The following ADAM2 variants were observed in gnomAD, a reference collection of about 807,000 sequenced individuals.
ADAM2 encodes the protein ADAM metallopeptidase domain 2.
Under a neutral mutation model 99.3 loss-of-function variants are expected in ADAM2, and 101 were observed. The ratio of observed to expected loss-of-function variants is 1.02; its 90% confidence interval spans 0.87 to 1.20. The LOEUF is 1.20. ADAM2 is among the 50% of genes most tolerant of loss of function. The pLI is 0.00. For synonymous variants in ADAM2, 323 were observed against 287.6 expected (o/e 1.12, Z -1.25); for missense variants, 948 against 878.7 (o/e 1.08, Z -1.00).
chr8:39,829,749 G>T (rs1392948315), intron 3 of ADAM2, among the ~76,000 whole-genome samples: 1 of 151,870 alleles, frequency 6.6e-6, no homozygotes, highest in African/African-American at 2.4e-5. Flanking sequence ...AAAATAAGAT[G>T]AAATAAATTG....
intron 16 of ADAM2, among the ~76,000 whole-genome samples, chr8:39,754,664 A>G (rs418037): frequency 0.036 from 5,540 of 152,260 alleles, 328 homozygotes; most frequent in African/African-American, 0.13. Context: ...TTCTAAATGA[A>G]TATTAGTAAA....
intron 19 of ADAM2, among the ~76,000 whole-genome samples, chr8:39,746,005 A>G (rs1173466510): frequency 3.6e-5 from 4 of 111,294 alleles, no homozygotes; most frequent in East Asian, 4.1e-4. Flanking sequence ...GTGTGTGTGC[A>G]TGTGTGTGTG....
At chr8:39,826,056 T>C (rs1044870031) in intron 3 of ADAM2, among the ~76,000 whole-genome samples, 8 of 152,190 alleles carry the variant, frequency 5.3e-5, no homozygotes, top group African/African-American at 1.7e-4. Context: ...TTTTCCTTCA[T>C]TTCTTTTAAG....
intron 10 of ADAM2, among the ~76,000 whole-genome samples, chr8:39,786,081 T>C (rs565949901): frequency 6.0e-4 from 92 of 152,320 alleles, no homozygotes; most frequent in African/African-American, 2.2e-3. Context: ...CTGCGTGTTC[T>C]CACTTATAAG....
chr8:39,760,222 T>C (rs1229472031), intron 15 of ADAM2, among the ~76,000 whole-genome samples: 1 of 152,166 alleles, frequency 6.6e-6, no homozygotes, highest in Non-Finnish European at 1.5e-5. Flanking sequence ...ACTCATATAG[T>C]ACATACTATG....
chr8:39,824,294 A>C (rs1334381323), intron 4 of ADAM2, among the ~76,000 whole-genome samples: 3 of 149,950 alleles, frequency 2.0e-5, no homozygotes, highest in Non-Finnish European at 4.4e-5. Flanking sequence ...AAAAAAAAAA[A>C]GAACACTTCA....
intron 4 of ADAM2, 135 bp downstream of exon 4, chr8:39,824,684 C>A (rs755300037): frequency 6.2e-6 from 4 of 647,876 alleles, no homozygotes; most frequent in African/African-American, 1.9e-5. Flanking sequence ...CAGTATACAT[C>A]ATTAACAGGA....
intron 7 of ADAM2, among the ~76,000 whole-genome samples, chr8:39,790,196 A>G (rs1033306720): frequency 1.3e-5 from 2 of 151,960 alleles, no homozygotes; most frequent in South Asian, 2.1e-4. Context: ...CCTACCCAAT[A>G]CGAGTTAAAA....
chr8:39,828,988 G>A (rs569504041), intron 3 of ADAM2, among the ~76,000 whole-genome samples: 2 of 151,720 alleles, frequency 1.3e-5, no homozygotes, highest in Non-Finnish European at 3.0e-5. Flanking sequence ...ATATATAAAT[G>A]TATAATATAT....
intron 11 of ADAM2, among the ~76,000 whole-genome samples, chr8:39,773,748 C>G (rs368923565): frequency 6.6e-6 from 1 of 151,780 alleles, no homozygotes; most frequent in Non-Finnish European, 1.5e-5. Context: ...TATCCAGTTC[C>G]GGACAGCTTC....
chr8:39,746,342 A>G, intron 19 of ADAM2, 130 bp downstream of exon 19: 1 of 676,360 alleles, frequency 1.5e-6, no homozygotes, highest in Non-Finnish European at 2.3e-6. Flanking sequence ...TTATTAATAT[A>G]TGAGTTATTA....
chr8:39,835,117 G>A (rs187368894), intron 2 of ADAM2, among the ~76,000 whole-genome samples: 52 of 152,250 alleles, frequency 3.4e-4, no homozygotes, highest in Non-Finnish European at 6.2e-4. Context: ...AATAAACTCT[G>A]CTTTGGATTT....
At chr8:39,803,356 A>G (rs1804294729) in intron 7 of ADAM2, among the ~76,000 whole-genome samples, 1 of 152,224 alleles carries the variant, frequency 6.6e-6, no homozygotes, top group Non-Finnish European at 1.5e-5. Flanking sequence ...CAAGGAAAAC[A>G]TGATAGCCAA....
intron 12 of ADAM2, among the ~76,000 whole-genome samples, chr8:39,768,732 G>A (rs1443542085): frequency 2.0e-5 from 3 of 152,134 alleles, no homozygotes; most frequent in African/African-American, 7.2e-5. Context: ...GGAAAAGATT[G>A]AACCTACATC....
At chr8:39,782,478 ATTTTGGAGCCATT>A (rs1803271987) in intron 10 of ADAM2, among the ~76,000 whole-genome samples, 1 of 152,084 alleles carries the variant, frequency 6.6e-6, no homozygotes, top group Non-Finnish European at 1.5e-5. Context: ...AGCATTAAAT[ATTTTGGAGCCATT>A]TTTTGGAAAT....
chr8:39,793,411 C>A (rs534653567), intron 7 of ADAM2, among the ~76,000 whole-genome samples: 4 of 152,186 alleles, frequency 2.6e-5, no homozygotes, highest in African/African-American at 9.6e-5. Flanking sequence ...ACCAAAGGGA[C>A]ACCTTGGCTA....
intron 15 of ADAM2, among the ~76,000 whole-genome samples, chr8:39,759,510 T>A (rs1245963481): frequency 6.6e-6 from 1 of 152,202 alleles, no homozygotes; most frequent in African/African-American, 2.4e-5. Flanking sequence ...AATTTCAATA[T>A]GAACTATGTT....
chr8:39,775,303 A>G (rs1158234859), intron 11 of ADAM2, among the ~76,000 whole-genome samples: 1 of 152,000 alleles, frequency 6.6e-6, no homozygotes, highest in Non-Finnish European at 1.5e-5. Flanking sequence ...GAACTTGAAA[A>G]TAAACATCTG....
intron 11 of ADAM2, among the ~76,000 whole-genome samples, chr8:39,772,666 CAAGAT>C (rs1802829597): frequency 6.6e-6 from 1 of 151,928 alleles, no homozygotes; most frequent in African/African-American, 2.4e-5. Flanking sequence ...AGATCTCAAT[CAAGAT>C]ATTTCTTTAT....
Sources: gnomAD v4.1 joint callset for allele counts (sites outside exome capture counted in the v4.1 genomes callset) on GRCh38, gnomAD v4.1.1 for gene constraint, MANE v1.5 for transcripts, NCBI Gene and HGNC (gene_info 2026-07-23, HGNC 2026-07-21) for gene names.